The following TLN2 variants were observed in gnomAD, a reference collection of about 807,000 sequenced individuals.
TLN2 encodes the protein talin-2.
TLN2 carries 118 observed loss-of-function variants against 294.7 expected under a neutral mutation model. The ratio of observed to expected loss-of-function variants is 0.40; its 90% CI spans 0.34 to 0.47. The LOEUF (loss-of-function observed/expected upper bound fraction) is 0.47. Among genes scored for constraint, TLN2 ranks in the 20% least tolerant of loss-of-function variants. TLN2 has a pLI of 0.84. For synonymous variants in TLN2, 1,431 were observed against 1,304.5 expected, an observed-to-expected ratio of 1.10 and a Z score of -2.09; for missense variants, 3,083 against 3,282.2, an observed-to-expected ratio of 0.94 and a Z score of 1.48.
intron 1 of TLN2, among the ~76,000 whole-genome samples, chr15:62,397,494 C>G (rs1033068180): frequency 1.4e-4 from 22 of 152,108 alleles, no homozygotes; most frequent in Non-Finnish European, 3.2e-4. Flanking sequence ...GAACTCCTGA[C>G]CTCAAGTGAT....
intron 14 of TLN2, among the ~76,000 whole-genome samples, chr15:62,696,850 C>G (rs1210846532): frequency 5.9e-5 from 9 of 152,144 alleles, no homozygotes; most frequent in Admixed American, 5.9e-4. Context: ...CCTCTGTGGT[C>G]AATGGTGGTG....
chr15:62,644,502 C>G (rs1480950199), intron 3 of TLN2: 1 of 455,932 alleles, frequency 2.2e-6, no homozygotes, highest in Admixed American at 2.4e-5. Flanking sequence ...CTGAATACCT[C>G]TCAAGGAAAC....
intron 22 of TLN2, among the ~76,000 whole-genome samples, chr15:62,713,119 A>T (rs1465528987): frequency 6.6e-6 from 1 of 151,578 alleles, no homozygotes; most frequent in South Asian, 2.1e-4. Context: ...AACACAAAAA[A>T]TTAACTGGGC....
chr15:62,826,076 T>C (rs2068171013), intron 54 of TLN2, among the ~76,000 whole-genome samples: 1 of 150,544 alleles, frequency 6.6e-6, no homozygotes, highest in African/African-American at 2.5e-5. Flanking sequence ...CCCTCCAGGG[T>C]AGACCAGTAG....
At chr15:62,566,855 CT>C (rs1013982645) in intron 1 of TLN2, among the ~76,000 whole-genome samples, 258 of 146,638 alleles carry the variant, frequency 1.8e-3, no homozygotes, top group African/African-American at 4.4e-3. Context: ...GCCCAGCCCA[CT>C]TTTTTTTTTT....
At position 62,580,078 on chromosome 15, in the gene TLN2, C is replaced by G. The variant is rs2140683079; in HGVS notation, c.-237-9609C>G. On this transcript the variant is annotated intron_variant, in intron 1 of 58. Transcript: ENST00000636159. ...TACACCTCTCCCAGGCCCTGGCCTG[C>G]AGTGGGGAGATCTCCCACAGGGAGT... is the stretch of plus-strand genomic sequence containing the variant. 2.0e-5 allele frequency among the ~76,000 whole-genome samples: 3 copies of G among 152,342 alleles called. No individual in the cohort carries two copies. In the South Asian group the frequency reaches 6.2e-4, roughly 32 times the overall value.
Position 62,647,262 on chromosome 15 carries a change from T to G in TLN2, c.-36-13T>G. The G allele has an allele frequency of 6.3e-7, 1 of 1,583,146 alleles. No homozygotes were observed. The highest frequency in any genetic ancestry group is 2.3e-5 in the East Asian group (1 of 44,314). The stretch of plus-strand genomic sequence containing the variant: ...ATCGTGAACATCAGGGTTTGTCTCT[T>G]TGTGTTTTCCAGACATTCTAAGTGA... On this transcript the variant is annotated splice_polypyrimidine_tract_variant and intron_variant, in intron 3 of 58. Coordinates refer to ENST00000636159, the MANE Select transcript of TLN2 (RefSeq NM_015059.3).
chr15:62,460,276 T>G (rs1048386094), intron 1 of TLN2, among the ~76,000 whole-genome samples: 1 of 151,892 alleles, frequency 6.6e-6, no homozygotes, highest in Admixed American at 6.6e-5. Context: ...TTTTTTTTTT[T>G]TCCCTTGAGA....
At chr15:62,464,366 T>A (rs1382379958) in intron 1 of TLN2, among the ~76,000 whole-genome samples, 1 of 152,048 alleles carries the variant, frequency 6.6e-6, no homozygotes, top group African/African-American at 2.4e-5. Context: ...AGGTGGGAAT[T>A]GAACAATGAG....
chr15:62,450,022 C>T (rs1476088500), intron 1 of TLN2, among the ~76,000 whole-genome samples: 1 of 152,132 alleles, frequency 6.6e-6, no homozygotes, highest in Non-Finnish European at 1.5e-5. Context: ...CCTCACAAAC[C>T]TTCAGTAGCT....
At chr15:62,410,301 T>C (rs1347455745) in intron 1 of TLN2, among the ~76,000 whole-genome samples, 1 of 152,150 alleles carries the variant, frequency 6.6e-6, no homozygotes, top group Non-Finnish European at 1.5e-5. Flanking sequence ...TTGGGTCATA[T>C]ATACTCACAT....
intron 9 of TLN2, among the ~76,000 whole-genome samples, chr15:62,664,376 C>G (rs1224077392): frequency 6.6e-6 from 1 of 152,014 alleles, no homozygotes; most frequent in Non-Finnish European, 1.5e-5. Context: ...CAGAGCATTT[C>G]ATGTCTCTCA....
At chr15:62,836,354 A>C (rs1002681648) in intron 57 of TLN2, among the ~76,000 whole-genome samples, 3 of 152,244 alleles carry the variant, frequency 2.0e-5, no homozygotes, top group African/African-American at 4.8e-5. Context: ...CTCATCTGGG[A>C]AGCCCTCCCT....
At chr15:62,778,798 C>T (rs2063902831) in intron 43 of TLN2, among the ~76,000 whole-genome samples, 1 of 152,200 alleles carries the variant, frequency 6.6e-6, no homozygotes, top group Admixed American at 6.5e-5. Context: ...CTCAGTTCTG[C>T]AAAGTATATA....
chr15:62,580,554 G>A (rs966467285), intron 1 of TLN2, among the ~76,000 whole-genome samples: 4 of 152,016 alleles, frequency 2.6e-5, no homozygotes, highest in Admixed American at 2.6e-4. Context: ...GGTACTATAG[G>A]CGCATACCAC....
Position 62,722,659 on chromosome 15 carries a change from A to G in TLN2, c.3126+172A>G, listed in dbSNP as rs116240497. On this transcript the variant is annotated intron_variant, in intron 26 of 58. Transcript: ENST00000636159. ...TTGGCTTTTGTTGCATTAAGCCACT[A>G]TCTCCCAGACTTAGTATTCACTTTT... Among the ~76,000 whole-genome samples the G allele has an allele frequency of 2.6e-3, 401 of 152,286 alleles. 2 individuals are homozygous for G. The highest frequency in any genetic ancestry group is 8.8e-3 in the African/African-American group (364 of 41,564).
intron 1 of TLN2, among the ~76,000 whole-genome samples, chr15:62,501,395 G>A: frequency 6.6e-6 from 1 of 152,140 alleles, no homozygotes; most frequent in East Asian, 1.9e-4. Flanking sequence ...ACTGGCCATT[G>A]AGAACCCCCA....
intron 3 of TLN2, among the ~76,000 whole-genome samples, chr15:62,633,420 C>G (rs747831209): frequency 5.9e-5 from 9 of 152,176 alleles, no homozygotes; most frequent in Non-Finnish European, 1.0e-4. Context: ...CCTTAGGCCC[C>G]TGAGTAGCTA....
intron 1 of TLN2, among the ~76,000 whole-genome samples, chr15:62,508,510 C>T (rs542219523): frequency 6.6e-5 from 10 of 152,260 alleles, no homozygotes; most frequent in South Asian, 2.1e-4. Context: ...CCACTGCACC[C>T]GGCCAAAGCC....
Sources: gnomAD v4.1 joint callset for allele counts (sites outside exome capture counted in the v4.1 genomes callset) on GRCh38, gnomAD v4.1.1 for gene constraint, MANE v1.5 for transcripts, NCBI Gene and HGNC (gene_info 2026-07-23, HGNC 2026-07-21) for gene names.